Variants in PHLPP1 observed in about 807,000 individuals in gnomAD.
The protein encoded by PHLPP1 is PH domain leucine-rich repeat-containing protein phosphatase 1.
Under a neutral mutation model 117.2 loss-of-function variants are expected in PHLPP1, and 42 were observed. The observed-to-expected ratio is 0.36, with a 90% CI of 0.28 to 0.46. The LOEUF (loss-of-function observed/expected upper bound fraction) is 0.46, where lower values mean the gene tolerates loss of function less well. Ranked by LOEUF, PHLPP1 falls within the 20% of genes least tolerant of loss-of-function variation. PHLPP1 has a pLI of 1.00. For missense variants in PHLPP1, 2,084 were observed against 2,241.9 expected (o/e 0.93, Z 1.42); for synonymous variants, 1,042 against 970.7 (o/e 1.07, Z -1.37).
In PHLPP1 at chr18:62,945,336, A is replaced by G. The variant is rs1015391211; in HGVS notation, c.3324+65A>G. 1.8e-5 allele frequency: 24 copies of G among 1,328,314 alleles called. No homozygotes were observed. The Admixed American group carries it at 5.7e-4, about 32-fold the overall frequency. 82.3% of individuals were successfully genotyped at this position (1,328,314 alleles called of 1,614,324 possible). On this transcript the variant is annotated intron_variant, in intron 12 of 16. Coordinates refer to ENST00000262719, the MANE Select transcript of PHLPP1 (RefSeq NM_194449.4). ...GCAAAGAAAGTTGACTTCCTAACTCATCAACTCAGGACGTTTGCATCTTTG... is the reference window on the plus strand; with the variant it reads ...GCAAAGAAAGTTGACTTCCTAACTCGTCAACTCAGGACGTTTGCATCTTTG...
rs776606403 is a variant in PHLPP1, at chr18:62,914,971, G to T, written c.2767G>T (p.Asp923Tyr). 1 of 1,613,702 alleles carries T rather than the reference G, an allele frequency of 6.2e-7. No individual in the cohort carries two copies. The highest frequency in any genetic ancestry group is 1.1e-5 in the South Asian group (1 of 91,050). The stretch of plus-strand genomic sequence containing the variant: ...TGAAAGCCGAAAGCTAGAAGTTTTG[G>T]ATATTGGCCATAATCAAATATGTGA... Reference protein sequence around the residue: ...VCESRKLEVLDIGHNQICELP... With the variant: ...VCESRKLEVLYIGHNQICELP... Residue 923 changes from aspartate to tyrosine, a missense_variant, in exon 9 of 17, where the codon GAT (aspartate) becomes TAT (tyrosine). Physicochemically the swap from Asp to Tyr is radical, Grantham distance 160 (BLOSUM62 -3). Transcript: ENST00000262719.
At chr18:62,779,465 G>A (rs906217298) in intron 1 of PHLPP1, 14 of 152,282 alleles carry the variant, frequency 9.2e-5, no homozygotes, top group African/African-American at 3.4e-4. Context: ...AGTGCATGGA[G>A]ACACACAGCA....
chr18:62,877,808 C>A (rs1916085454), intron 4 of PHLPP1, among the ~76,000 whole-genome samples: 1 of 152,210 alleles, frequency 6.6e-6, no homozygotes, highest in Non-Finnish European at 1.5e-5. Context: ...TGGTTCTCTT[C>A]TTGCCTAATG....
chr18:62,799,812 CAG>C (rs1376441331), intron 1 of PHLPP1, among the ~76,000 whole-genome samples: 4 of 152,166 alleles, frequency 2.6e-5, no homozygotes, highest in Non-Finnish European at 5.9e-5. Flanking sequence ...TGCTTATAAA[CAG>C]AACATATCTC....
chr18:62,962,877 A>G (rs1180612966), intron 13 of PHLPP1, among the ~76,000 whole-genome samples: 1 of 152,218 alleles, frequency 6.6e-6, no homozygotes, highest in Non-Finnish European at 1.5e-5. Context: ...CAAGTCCATG[A>G]TAATATTTGG....
intron 1 of PHLPP1, among the ~76,000 whole-genome samples, chr18:62,780,750 G>A (rs1913096189): frequency 6.6e-6 from 1 of 152,190 alleles, no homozygotes. Context: ...CTCTGCTGTA[G>A]TTTGTCAAAT....
intron 1 of PHLPP1, among the ~76,000 whole-genome samples, chr18:62,766,390 G>A (rs1406152455): frequency 6.6e-6 from 1 of 151,734 alleles, no homozygotes. Flanking sequence ...TCTTCCCTAG[G>A]GGAGGAGAAG....
intron 6 of PHLPP1, among the ~76,000 whole-genome samples, chr18:62,900,983 G>A (rs1916709951): frequency 6.6e-6 from 1 of 152,172 alleles, no homozygotes; most frequent in African/African-American, 2.4e-5. Context: ...GAATTACTGT[G>A]TGAACCTGAA....
At chr18:62,859,645 C>T (rs1460529623) in intron 3 of PHLPP1, among the ~76,000 whole-genome samples, 1 of 152,142 alleles carries the variant, frequency 6.6e-6, no homozygotes, top group Non-Finnish European at 1.5e-5. Flanking sequence ...TATTTTAAAT[C>T]AGTATATACA....
At chr18:62,840,898 G>A (rs538948554) in intron 3 of PHLPP1, among the ~76,000 whole-genome samples, 32 of 152,070 alleles carry the variant, frequency 2.1e-4, no homozygotes, top group African/African-American at 7.0e-4. Flanking sequence ...TTATTTTTTT[G>A]TTTTTGTTTG....
In PHLPP1 at chr18:62,716,045, T is replaced by C; in HGVS notation, c.362T>C (p.Leu121Pro). ...GGCGGCGGCGCCAACTCCCTCCTGC[T>C]GAGGAGAGGGCGGCTGAAGAGGAAT... ...GAGGGANSLLLRRGRLKRNLS... is the reference protein window; with the variant it reads ...GAGGGANSLLPRRGRLKRNLS... Residue 121 changes from leucine to proline, a missense_variant, in exon 1 of 17, where the codon CTG becomes CCG. By Grantham distance (98) the Leu-to-Pro change is moderately conservative. Coordinates refer to ENST00000262719, the MANE Select transcript of PHLPP1 (RefSeq NM_194449.4). The surrounding 1 kb of genome is among the most constrained non-coding windows in gnomAD (Gnocchi z 5.7). 6.8e-7 allele frequency: 1 copy of C among 1,462,514 alleles called. No individual in the cohort carries two copies. Among genetic ancestry groups the C allele is most frequent in the Non-Finnish European group, 9.0e-7 (1 of 1,116,706 alleles). The allele number at this position is 1,462,514 out of a possible 1,614,324, so 90.6% of individuals were successfully genotyped here.
rs367563964 is a variant in PHLPP1 at position 62,873,913 on chromosome 18, G to A, written c.2066+13312G>A. Among the ~76,000 whole-genome samples the A allele has an allele frequency of 2.1e-4, 32 of 152,212 alleles. No individual in the cohort carries two copies. In the East Asian group the frequency reaches 2.1e-3, roughly 10 times the overall value. On this transcript the variant is annotated intron_variant, in intron 4 of 16. Transcript: ENST00000262719. Reference sequence around the variant, plus strand: ...GAAAGATAAATAAAGGGCCGGATGCGGTGGCTCACGCTTGTAATCCCAGCA... The same window carrying A: ...GAAAGATAAATAAAGGGCCGGATGCAGTGGCTCACGCTTGTAATCCCAGCA...
chr18:62,963,322 C>T, intron 13 of PHLPP1, 46 bp from the exon 14 acceptor site: 1 of 1,297,108 alleles, frequency 7.7e-7, no homozygotes, highest in South Asian at 1.2e-5. Flanking sequence ...AATTTGCACA[C>T]ATTTGGTTTT....
intron 2 of PHLPP1, 93 bp from the exon 3 acceptor site, chr18:62,838,691 A>T: frequency 7.9e-7 from 1 of 1,271,458 alleles, no homozygotes. Context: ...ATGCAAATCC[A>T]TGCAGGCTCC....
intron 1 of PHLPP1, among the ~76,000 whole-genome samples, chr18:62,802,680 T>C (rs1440230641): frequency 6.6e-6 from 1 of 152,170 alleles, no homozygotes; most frequent in Non-Finnish European, 1.5e-5. Context: ...ATGTACATGT[T>C]TTCATCCATT....
intron 1 of PHLPP1, among the ~76,000 whole-genome samples, chr18:62,806,713 A>T (rs1361591740): frequency 6.6e-6 from 1 of 152,182 alleles, no homozygotes; most frequent in East Asian, 1.9e-4. Context: ...ATCTTCAAGG[A>T]TTAGCTTGAC....
At chr18:62,957,026 G>A (rs1013323031) in intron 12 of PHLPP1, among the ~76,000 whole-genome samples, 1 of 151,610 alleles carries the variant, frequency 6.6e-6, no homozygotes, top group African/African-American at 2.4e-5. Context: ...TTTTTTAAAG[G>A]ACTGAAGAGA....
chr18:62,834,452 G>A (rs905365787), intron 2 of PHLPP1, among the ~76,000 whole-genome samples: 4 of 152,164 alleles, frequency 2.6e-5, no homozygotes, highest in African/African-American at 9.7e-5. Context: ...GTTCTGCATA[G>A]GGGACAATGA....
At chr18:62,902,694 A>C (rs767848193) in intron 6 of PHLPP1, among the ~76,000 whole-genome samples, 1 of 152,176 alleles carries the variant, frequency 6.6e-6, no homozygotes, top group Non-Finnish European at 1.5e-5. Context: ...AAGTGAATTA[A>C]GGTAAAGTCA....
Sources: allele counts gnomAD v4.1 joint callset (sites outside exome capture counted in the v4.1 genomes callset), GRCh38; gene constraint gnomAD v4.1.1; non-coding constraint Gnocchi (gnomAD v3.1); transcripts MANE v1.5; gene names NCBI Gene and HGNC (gene_info 2026-07-23, HGNC 2026-07-21).